The following IQGAP2 variants were observed in gnomAD, a reference collection of about 807,000 sequenced individuals.
IQGAP2 encodes the protein IQ motif containing GTPase activating protein 2.
IQGAP2 carries 173 observed loss-of-function variants against 201.3 expected under a neutral mutation model. The ratio of observed to expected loss-of-function variants is 0.86; its 90% CI spans 0.76 to 0.98. IQGAP2 has a LOEUF of 0.98. IQGAP2 is among the 50% of genes least tolerant of loss of function. The probability of loss-of-function intolerance (pLI) is 0.00; values close to 1 mark genes in which losing one functional copy is unlikely to be tolerated. For missense variants in IQGAP2, 1,687 were observed against 1,864.8 expected (o/e 0.90, Z 1.76); for synonymous variants, 675 against 673.9 (o/e 1.00, Z -0.03).
At chr5:76,684,720 T>C (rs1745589837) in intron 30 of IQGAP2, among the ~76,000 whole-genome samples, 1 of 152,174 alleles carries the variant, frequency 6.6e-6, no homozygotes, top group African/African-American at 2.4e-5. Flanking sequence ...ACGAAACATA[T>C]TACTTCCAAG....
chr5:76,416,081 T>A (rs1162688308), intron 1 of IQGAP2, among the ~76,000 whole-genome samples: 1 of 152,164 alleles, frequency 6.6e-6, no homozygotes, highest in Admixed American at 6.5e-5. Flanking sequence ...CAAAGTGAAC[T>A]CTGAAGAGCC....
Position 76,671,836 on chromosome 5 carries a change from G to T in IQGAP2, c.2921G>T (p.Gly974Val), listed in dbSNP as rs1181837686. The T allele has an allele frequency of 1.2e-6, 2 of 1,613,964 alleles. No individual in the cohort carries two copies. The highest frequency in any genetic ancestry group is 3.3e-5 in the Admixed American group (2 of 59,992). Reference protein sequence around the residue: ...VIKMVVSFNRGARGQNTLRQL... With the variant: ...VIKMVVSFNRVARGQNTLRQL... ...AAGATGGTCGTCAGCTTCAATAGAG[G>T]TGCCCGGGGACAGAACACCCTGCGC... Residue 974 changes from glycine (G) to valine (V), a missense_variant, in exon 24 of 36, where the codon GGT becomes GTT. Transcript: ENST00000274364.
At chr5:76,661,648 C>A (rs1489070815) in intron 21 of IQGAP2, among the ~76,000 whole-genome samples, 1 of 152,110 alleles carries the variant, frequency 6.6e-6, no homozygotes, top group Non-Finnish European at 1.5e-5. Context: ...GGAAAATGTT[C>A]TAGGTGATTT....
intron 21 of IQGAP2, among the ~76,000 whole-genome samples, chr5:76,663,052 C>A (rs1430545448): frequency 3.3e-5 from 5 of 152,160 alleles, no homozygotes; most frequent in African/African-American, 1.2e-4. Context: ...AATGGGCTGA[C>A]CCCAGCTATG....
At position 76,419,673 on chromosome 5, in the gene IQGAP2, C is replaced by CTTTT. The variant is rs57338854; in HGVS notation, c.46+16092_46+16095dup. Among the ~76,000 whole-genome samples, 4 of 141,846 alleles carry CTTTT rather than the reference C, an allele frequency of 2.8e-5. No individual in the cohort carries two copies. The East Asian group carries it at 8.1e-4, about 29-fold the overall frequency. 93.1% of individuals were successfully genotyped at this position (141,846 alleles called of 152,430 possible). A position where few individuals can be genotyped will look rare whatever the true frequency, so the allele number is the denominator to read the frequency against. ...ATTCTTTTTCTTTTTCTTTTCTTTT[C>CTTTT]TTTTTTTTTTTTTGTGTTTTAAACA... On this transcript the variant is annotated intron_variant, in intron 1 of 35. Transcript: ENST00000274364.
At chr5:76,595,446 A>C (rs1051748627) in intron 9 of IQGAP2, among the ~76,000 whole-genome samples, 1 of 148,804 alleles carries the variant, frequency 6.7e-6, no homozygotes, top group Non-Finnish European at 1.5e-5. Flanking sequence ...TTATTTTTTT[A>C]GAAGAAATTG....
intron 17 of IQGAP2, among the ~76,000 whole-genome samples, chr5:76,650,266 G>A (rs966314756): frequency 2.6e-5 from 4 of 152,212 alleles, no homozygotes; most frequent in Non-Finnish European, 4.4e-5. Flanking sequence ...GTATTTGTGT[G>A]TACAATGATG....
chr5:76,535,212 T>C (rs7707801), intron 2 of IQGAP2, among the ~76,000 whole-genome samples: 76,898 of 151,784 alleles, frequency 0.51, 19,843 homozygotes, highest in South Asian at 0.75. Flanking sequence ...GAACGTTGGC[T>C]GTGTAAAGAT....
Position 76,674,038 on chromosome 5 carries a change from T to G in IQGAP2, c.3294+2T>G. 1.3e-6 allele frequency: 2 copies of G among 1,577,506 alleles called. No homozygotes were observed. Among genetic ancestry groups the G allele is most frequent in the Non-Finnish European group, 1.7e-6 (2 of 1,146,700 alleles). On this transcript the variant is annotated splice_donor_variant, in intron 26 of 35. Coordinates refer to ENST00000274364, the MANE Select transcript of IQGAP2 (RefSeq NM_006633.5). LOFTEE classifies it high-confidence loss of function. ...GCAACAGAAGATGAGCTATTAAAGG[T>G]AGATTTTCAAGGGTAATCTCACCAT...
intron 2 of IQGAP2, among the ~76,000 whole-genome samples, chr5:76,548,979 C>T (rs1743266554): frequency 6.6e-6 from 1 of 152,084 alleles, no homozygotes. Flanking sequence ...GTTTGATAGT[C>T]AAAATGCTGG....
intron 4 of IQGAP2, among the ~76,000 whole-genome samples, chr5:76,572,761 A>G (rs1215376780): frequency 6.6e-6 from 1 of 152,160 alleles, no homozygotes; most frequent in Non-Finnish European, 1.5e-5. Flanking sequence ...TTAAAAAATT[A>G]TTTAGGAGTG....
At chr5:76,592,809 C>T (rs1477134060) in intron 8 of IQGAP2, 29 bp from the exon 9 acceptor site, 3 of 1,397,348 alleles carry the variant, frequency 2.1e-6, no homozygotes, top group Non-Finnish European at 3.0e-6. Context: ...TATTTAACCT[C>T]AGAAATCAGT....
chr5:76,583,890 A>G (rs1338530814), intron 5 of IQGAP2, among the ~76,000 whole-genome samples: 1 of 148,186 alleles, frequency 6.7e-6, no homozygotes, highest in Non-Finnish European at 1.5e-5. Context: ...TTTTTTTTTG[A>G]GACACAGAGT....
chr5:76,537,542 G>C (rs1005951929), intron 2 of IQGAP2, among the ~76,000 whole-genome samples: 1 of 151,260 alleles, frequency 6.6e-6, no homozygotes, highest in Non-Finnish European at 1.5e-5. Flanking sequence ...TCAGACTGTA[G>C]TTGTCGAGTA....
chr5:76,413,588 G>A (rs10065322), intron 1 of IQGAP2, among the ~76,000 whole-genome samples: 65,861 of 152,100 alleles, frequency 0.43, 15,049 homozygotes, highest in Non-Finnish European at 0.5. Context: ...TAAAAAACTA[G>A]TATGTTCTAT....
Position 76,471,369 on chromosome 5 carries a change from A to AC in IQGAP2, c.146+9700_146+9701insC, listed in dbSNP as rs199859484. On this transcript the variant is annotated intron_variant, in intron 2 of 35. Transcript: ENST00000274364. ...ACCTCTGAAAATAAACTAAGCAAAA[A>AC]AAAAAAAAAAAAAAAAACACCCTTC... 8.9e-5 allele frequency among the ~76,000 whole-genome samples: 10 copies of AC among 111,774 alleles called. No individual in the cohort carries two copies. The East Asian group carries it at 9.9e-4, about 11-fold the overall frequency. The allele number at this position is 111,774 out of a possible 152,430, so 73.3% of individuals were successfully genotyped here.
chr5:76,404,194 C>A lies in IQGAP2; in HGVS notation c.46+603C>A, dbSNP rs1195132533. Among the ~76,000 whole-genome samples, 8 of 152,286 alleles carry A rather than the reference C, an allele frequency of 5.3e-5. No individual in the cohort carries two copies. The East Asian group carries it at 1.5e-3, about 29-fold the overall frequency. ...CCCCAACCCCTTTCCCCCCCGCTCCCCTCGCGCGGGAGGATTGCTGTGTGG... is the reference window on the plus strand; with the variant it reads ...CCCCAACCCCTTTCCCCCCCGCTCCACTCGCGCGGGAGGATTGCTGTGTGG... On this transcript the variant is annotated intron_variant, in intron 1 of 35. Transcript: ENST00000274364.
intron 5 of IQGAP2, among the ~76,000 whole-genome samples, chr5:76,576,930 C>T (rs1480598120): frequency 6.6e-6 from 1 of 152,164 alleles, no homozygotes; most frequent in Admixed American, 6.5e-5. Context: ...TTTCTAAAAG[C>T]TCCTTGTGCA....
At position 76,597,497 on chromosome 5, in the gene IQGAP2, G is replaced by A; in HGVS notation, c.966G>A (p.Thr322=). 3.7e-6 allele frequency: 6 copies of A among 1,613,932 alleles called. No homozygotes were observed. Among genetic ancestry groups the A allele is most frequent in the South Asian group, 1.1e-5 (1 of 91,054 alleles). Residue 322 remains threonine (T), a synonymous_variant, in exon 10 of 36, where the codon ACG becomes ACA. Transcript: ENST00000274364. ...TTCCGGAAGGTGACCCCGAGAATAC[G>A]CTGCTTGCACTGAAGAAACCAGAGG... The part of the protein sequence containing the change: ...AVIPEGDPEN[T]LLALKKPEAQ...
Sources: allele counts gnomAD v4.1 joint callset (sites outside exome capture counted in the v4.1 genomes callset), GRCh38; gene constraint gnomAD v4.1.1; transcripts MANE v1.5; gene names NCBI Gene and HGNC (gene_info 2026-07-23, HGNC 2026-07-21).